Variants in ARIH1 observed in about 807,000 individuals in gnomAD.
ARIH1 encodes the protein E3 ubiquitin-protein ligase ARIH1.
In ARIH1, 8 loss-of-function variants were observed where a neutral mutation model predicts 85.0. The observed-to-expected ratio is 0.09, with a 90% CI of 0.06 to 0.17. The LOEUF (loss-of-function observed/expected upper bound fraction) is 0.17. ARIH1 is among the 10% of genes least tolerant of loss of function. The pLI is 1.00. For synonymous variants in ARIH1, 238 were observed against 253.6 expected, an observed-to-expected ratio of 0.94 and a Z score of 0.59; for missense variants, 311 against 718.1, an observed-to-expected ratio of 0.43 and a Z score of 6.48.
chr15:72,582,574 G>GT lies in ARIH1; in HGVS notation c.1589+392dup, dbSNP rs1473572077. Among the ~76,000 whole-genome samples, 1 of 151,190 alleles carries GT rather than the reference G, an allele frequency of 6.6e-6. No homozygotes were observed. The highest frequency in any genetic ancestry group is 1.5e-5 in the Non-Finnish European group (1 of 67,906). On this transcript the variant is annotated intron_variant, in intron 13 of 13. Coordinates refer to ENST00000379887, the MANE Select transcript of ARIH1 (RefSeq NM_005744.5). This position sits in a 1 kb window ranked among gnomAD's most constrained non-coding sequence, Gnocchi z 4.6. ...GAGCTATGGAAACTTACTTTTTAGAGTTTTTATTACATATATATATATATA... is the reference window on the plus strand; with the variant it reads ...GAGCTATGGAAACTTACTTTTTAGAGTTTTTTATTACATATATATATATATA...
chr15:72,474,957 C>T lies in ARIH1; in HGVS notation c.318C>T (p.Ala106=), dbSNP rs1369846392. 1.3e-6 allele frequency: 2 copies of T among 1,558,100 alleles called. No individual in the cohort carries two copies. The highest frequency in any genetic ancestry group is 1.2e-5 in the South Asian group (1 of 84,694). The change falls in exon 1 of 14, where the codon GCC becomes GCT. Residue 106 remains alanine, a synonymous_variant. Coordinates refer to ENST00000379887, the MANE Select transcript of ARIH1 (RefSeq NM_005744.5). ...ATTACCGCTACGAGGTGCTCACGGC[C>T]GAGCAGATTCTACAACACATGGTGG... ...EEDYRYEVLT[A]EQILQHMVEC...
chr15:72,523,939 C>CTTTTTTTTTT (rs397853910), intron 2 of ARIH1, among the ~76,000 whole-genome samples: 2 of 61,672 alleles, frequency 3.2e-5, no homozygotes, highest in African/African-American at 5.5e-5. Context: ...ACTTTTACAT[C>CTTTTTTTTTT]TTTTTTTTTT....
intron 11 of ARIH1, among the ~76,000 whole-genome samples, chr15:72,578,006 C>T (rs2064279261): frequency 6.6e-6 from 1 of 152,160 alleles, no homozygotes; most frequent in African/African-American, 2.4e-5. Context: ...ACCCTTCTGC[C>T]AAATTGTCTA....
At chr15:72,511,105 A>G (rs535708224) in intron 1 of ARIH1, among the ~76,000 whole-genome samples, 16 of 152,270 alleles carry the variant, frequency 1.1e-4, no homozygotes, top group African/African-American at 3.6e-4. Flanking sequence ...ATCCATGAAG[A>G]TGGCATCTCT....
chr15:72,600,746 G>C lies in ARIH1; in HGVS notation c.*17454G>C, dbSNP rs2064379818. 6.6e-6 allele frequency: 1 copy of C among 152,176 alleles called. No homozygotes were observed. Among genetic ancestry groups the C allele is most frequent in the African/African-American group, 2.4e-5 (1 of 41,440 alleles). The allele number at this position is 152,176 out of a possible 1,614,324, so 9.4% of individuals were successfully genotyped here. A position where few individuals can be genotyped will look rare whatever the true frequency, so the allele number is the denominator to read the frequency against. Reference sequence around the variant, plus strand: ...ATATAATTAAAGTACATTAGGTTTAGTGATTGCAATTTGAGAAACCAATGT... The same window carrying C: ...ATATAATTAAAGTACATTAGGTTTACTGATTGCAATTTGAGAAACCAATGT... On this transcript the variant is annotated 3_prime_UTR_variant, in exon 14 of 14. Coordinates refer to ENST00000379887, the MANE Select transcript of ARIH1 (RefSeq NM_005744.5).
At chr15:72,510,626 A>G (rs1315556491) in intron 1 of ARIH1, among the ~76,000 whole-genome samples, 1 of 149,176 alleles carries the variant, frequency 6.7e-6, no homozygotes, top group Admixed American at 6.8e-5. Context: ...ATTCCCAGCT[A>G]CTGGGGAGGC....
intron 1 of ARIH1, among the ~76,000 whole-genome samples, chr15:72,497,784 G>A (rs890981481): frequency 3.9e-5 from 6 of 152,116 alleles, no homozygotes; most frequent in African/African-American, 1.4e-4. Context: ...ACAAAAATAT[G>A]TATTTGTTCT....
At chr15:72,579,513 G>A (rs2064287063) in intron 11 of ARIH1, among the ~76,000 whole-genome samples, 1 of 152,300 alleles carries the variant, frequency 6.6e-6, no homozygotes, top group South Asian at 2.1e-4. Flanking sequence ...GTGGCATACT[G>A]TAGAACAGTG....
At chr15:72,484,627 C>T (rs1216109396) in intron 1 of ARIH1, among the ~76,000 whole-genome samples, 2 of 149,852 alleles carry the variant, frequency 1.3e-5, no homozygotes, top group African/African-American at 5.0e-5. Flanking sequence ...AGTAGTATTC[C>T]ATCATATATA....
chr15:72,491,186 A>G (rs1038064060), intron 1 of ARIH1, among the ~76,000 whole-genome samples: 3 of 152,166 alleles, frequency 2.0e-5, no homozygotes, highest in African/African-American at 2.4e-5. Context: ...ATGTGCCCCT[A>G]TCTACCTTAG....
At chr15:72,494,283 G>A (rs533695938) in intron 1 of ARIH1, among the ~76,000 whole-genome samples, 2 of 152,228 alleles carry the variant, frequency 1.3e-5, no homozygotes, top group South Asian at 2.1e-4. Context: ...ATAATGCGAC[G>A]CTTTGTTTCA....
chr15:72,475,750 G>T (rs1445453456), intron 1 of ARIH1, among the ~76,000 whole-genome samples: 1 of 152,152 alleles, frequency 6.6e-6, no homozygotes. Context: ...ACAACAAAAC[G>T]CAGTGTTGTC....
chr15:72,494,701 G>A (rs757384886), intron 1 of ARIH1, among the ~76,000 whole-genome samples: 4 of 151,906 alleles, frequency 2.6e-5, no homozygotes, highest in Non-Finnish European at 5.9e-5. Context: ...AGAACAGGAC[G>A]GGATTAGGAA....
chr15:72,574,769 C>G (rs1342284254), intron 11 of ARIH1, among the ~76,000 whole-genome samples: 1 of 152,050 alleles, frequency 6.6e-6, no homozygotes, highest in African/African-American at 2.4e-5. Context: ...TATAACTGTT[C>G]CAAGTAAATT....
intron 11 of ARIH1, among the ~76,000 whole-genome samples, chr15:72,576,185 G>C (rs1166904928): frequency 5.3e-5 from 8 of 152,180 alleles, no homozygotes; most frequent in African/African-American, 1.2e-4. Context: ...TAAGGATAAA[G>C]GAAAAGAACA....
intron 3 of ARIH1, among the ~76,000 whole-genome samples, chr15:72,553,743 C>A (rs1376847310): frequency 6.6e-6 from 1 of 152,126 alleles, no homozygotes; most frequent in Non-Finnish European, 1.5e-5. Flanking sequence ...ATGGTGAAAC[C>A]CTGTTTCTAC....
chr15:72,536,868 G>T (rs535463757), intron 2 of ARIH1, among the ~76,000 whole-genome samples: 271 of 152,004 alleles, frequency 1.8e-3, no homozygotes, highest in African/African-American at 6.3e-3. Flanking sequence ...TTACAATGCT[G>T]TTTTTTTAGG....
chr15:72,496,362 A>G (rs2063880368), intron 1 of ARIH1, among the ~76,000 whole-genome samples: 1 of 152,232 alleles, frequency 6.6e-6, no homozygotes, highest in Admixed American at 6.5e-5. Flanking sequence ...ATGCTGAAAT[A>G]CAAACATACT....
At chr15:72,576,291 G>T (rs573525692) in intron 11 of ARIH1, among the ~76,000 whole-genome samples, 98 of 152,102 alleles carry the variant, frequency 6.4e-4, no homozygotes, top group Non-Finnish European at 1.1e-3. Context: ...GGATCACAAG[G>T]TCAGGAGATG....
Sources: gnomAD v4.1 joint callset for allele counts (sites outside exome capture counted in the v4.1 genomes callset) on GRCh38, gnomAD v4.1.1 for gene constraint, Gnocchi (gnomAD v3.1) non-coding constraint, MANE v1.5 for transcripts, NCBI Gene and HGNC (gene_info 2026-07-23, HGNC 2026-07-21) for gene names.